EMC1: variants seen among roughly 807,000 people sequenced by gnomAD.
EMC1 encodes ER membrane protein complex subunit 1.
EMC1 carries 103 observed loss-of-function variants against 128.8 expected under a neutral mutation model. The observed-to-expected ratio is 0.80, with a 90% CI of 0.68 to 0.94. EMC1 has a LOEUF of 0.94. EMC1 is among the 40% of genes least tolerant of loss of function. EMC1 has a pLI of 0.00. For missense variants in EMC1, 1,083 were observed against 1,250.6 expected (o/e 0.87, Z 2.02); for synonymous variants, 442 against 490.4 (o/e 0.90, Z 1.30).
chr1:19,221,189 T>G, intron 20 of EMC1: 1 of 195,034 alleles, frequency 5.1e-6, no homozygotes. Flanking sequence ...CAGCAGGAAG[T>G]CTCCTTCCCA....
In EMC1 at chr1:19,246,559, G is replaced by A. The variant is rs543350425; in HGVS notation, c.96-1529C>T. Among the ~76,000 whole-genome samples the A allele has an allele frequency of 1.8e-3, 275 of 151,998 alleles. 1 individual carries two copies. Among genetic ancestry groups the A allele is most frequent in the African/African-American group, 6.2e-3 (258 of 41,450 alleles). ...GCACTTTGGAAGGTCCAGGCATGCC[G>A]AACACTTGAGGTCCGGAGTTTGAGA... On this transcript the variant is annotated intron_variant, in intron 1 of 22. Coordinates refer to ENST00000477853, the MANE Select transcript of EMC1 (RefSeq NM_015047.3).
chr1:19,251,506 C>T lies in EMC1; in HGVS notation c.4G>A (p.Ala2Thr), dbSNP rs2151970372. Residue 2 changes from alanine (A) to threonine (T), a missense_variant, in exon 1 of 23, where the codon GCG (alanine) becomes ACG (threonine). Transcript: ENST00000477853. The part of the protein sequence containing the change: M[A>T]AEWASRFWLW... The stretch of plus-strand genomic sequence containing the variant: ...CAGAAACGAGAAGCCCACTCAGCCG[C>T]CATGATGCGAGCGCATGCACCACCC... The T allele has an allele frequency of 1.2e-6, 2 of 1,614,118 alleles. No homozygotes were observed. Among genetic ancestry groups the T allele is most frequent in the Admixed American group, 1.7e-5 (1 of 60,034 alleles).
intron 12 of EMC1, among the ~76,000 whole-genome samples, chr1:19,235,593 C>T (rs943122362): frequency 1.9e-4 from 29 of 151,978 alleles, no homozygotes; most frequent in African/African-American, 6.8e-4. Flanking sequence ...TCCAGCTACT[C>T]GGGAGGCTGA....
chr1:19,249,473 G>A (rs1408924169), intron 1 of EMC1, among the ~76,000 whole-genome samples: 2 of 152,240 alleles, frequency 1.3e-5, no homozygotes, highest in Non-Finnish European at 2.9e-5. Context: ...TGTAGCCTAG[G>A]AAGAATAGGC....
At position 19,232,762 on chromosome 1, in the gene EMC1, A is replaced by G. The variant is rs376477304; in HGVS notation, c.1644T>C (p.Ile548=). ...MVTASGKLFG[I]ESSSGTILWK... is the part of the protein sequence containing the mutation. The stretch of plus-strand genomic sequence containing the variant: ...ACAGGATGGTGCCAGAGCTGCTCTC[A>G]ATGCCAAAAAGCTGCAAGATAAACA... The change falls in exon 15 of 23, where the codon ATT becomes ATC. Residue 548 remains isoleucine (I), a synonymous_variant. Coordinates refer to ENST00000477853, the MANE Select transcript of EMC1 (RefSeq NM_015047.3). 20 of 1,614,036 alleles carry G rather than the reference A, an allele frequency of 1.2e-5. No homozygotes were observed. The highest frequency in any genetic ancestry group is 1.6e-5 in the Non-Finnish European group (19 of 1,179,994).
intron 10 of EMC1, 27 bp downstream of exon 10, chr1:19,238,768 G>T (rs1324846246): frequency 6.5e-7 from 1 of 1,549,004 alleles, no homozygotes; most frequent in African/African-American, 1.4e-5. Context: ...CTCTAGGTCT[G>T]GCATACTGCC....
In EMC1 at chr1:19,241,265, TCA is replaced by T. The variant is rs561945823; in HGVS notation, c.510-125_510-124del. ...AATTCCCAAATAGGTTTTGTTTGGC[TCA>T]CACAGTTTGGGGGCTTTTGTTGTTG... On this transcript the variant is annotated intron_variant, in intron 5 of 22. Coordinates refer to ENST00000477853, the MANE Select transcript of EMC1 (RefSeq NM_015047.3). 8.4e-4 allele frequency: 967 copies of T among 1,151,286 alleles called. 4 individuals carry two copies. In the African/African-American group the frequency reaches 0.013, roughly 15 times the overall value. The allele number at this position is 1,151,286 out of a possible 1,614,324, so 71.3% of individuals were successfully genotyped here. A position where few individuals can be genotyped will look rare whatever the true frequency, so the allele number is the denominator to read the frequency against.
chr1:19,241,437 A>G (rs1211141030), intron 5 of EMC1, among the ~76,000 whole-genome samples: 2 of 152,220 alleles, frequency 1.3e-5, no homozygotes, highest in Non-Finnish European at 2.9e-5. Context: ...TGCCCCCTCC[A>G]GGCAGGCCAG....
Position 19,231,004 on chromosome 1 carries a change from T to C in EMC1, c.1945-41A>G, listed in dbSNP as rs201887741. ...GAGCCCAAGGAAAGAGTTAGGAAAT[T>C]TCCCCATCAAAGAGAGCCTTAAGAA... On this transcript the variant is annotated intron_variant, in intron 16 of 22. Transcript: ENST00000477853. 1.6e-5 allele frequency: 25 copies of C among 1,610,346 alleles called. No individual in the cohort carries two copies. The East Asian group carries it at 5.4e-4, about 34-fold the overall frequency.
At chr1:19,229,225 CCT>C (rs1330657487) in intron 17 of EMC1, 1 of 152,140 alleles carries the variant, frequency 6.6e-6, no homozygotes, top group East Asian at 1.9e-4. Flanking sequence ...TGCTTGTTCA[CCT>C]CTCTGTATCA....
rs909719740 is a variant in EMC1 at position 19,239,820 on chromosome 1, G to A, written c.952C>T (p.Gln318Ter). The A allele has an allele frequency of 1.2e-6, 2 of 1,613,912 alleles. No homozygotes were observed. The highest frequency in any genetic ancestry group is 1.7e-6 in the Non-Finnish European group (2 of 1,179,898). Residue 318 changes from glutamine (Q) to a stop codon, truncating the protein, a stop_gained and splice_region_variant, in exon 8 of 23, where the codon CAG (glutamine) becomes TAG (stop). Transcript: ENST00000477853. LOFTEE classifies it high-confidence loss of function. ...CAAACCATGTTGCCTGCAGTTACCT[G>A]TGGGAAGTTTTTAAGCAAACTCAGC... Reference protein sequence around the residue: ...GTLSLLKNFPQTALVSFATTG... With the variant: ...GTLSLLKNFP
intron 6 of EMC1, 135 bp from the exon 7 acceptor site, chr1:19,240,581 A>C: frequency 1.1e-6 from 1 of 951,358 alleles, no homozygotes; most frequent in Non-Finnish European, 1.6e-6. Context: ...GTTGTATAGG[A>C]GTTCTTCCTG....
At chr1:19,240,015 C>G in intron 7 of EMC1, 30 bp from the exon 8 acceptor site, 2 of 1,593,388 alleles carry the variant, frequency 1.3e-6, no homozygotes, top group Non-Finnish European at 1.7e-6. Context: ...AGGATTATGG[C>G]TAACAGCTGA....
chr1:19,223,712 C>CAA, intron 18 of EMC1, 143 bp from the exon 19 acceptor site: 1 of 688,812 alleles, frequency 1.5e-6, no homozygotes, highest in East Asian at 2.7e-5. Flanking sequence ...TTTGGAATTT[C>CAA]TCATCACTGC....
In EMC1 at chr1:19,216,285, A is replaced by G. The variant is rs16862606; in HGVS notation, c.*3018T>C. ...TGAAATTACAATTATGAAATTTTCA[A>G]ATTGAAAGATGCCTTACGGAGCACA... is the stretch of plus-strand genomic sequence containing the variant. On this transcript the variant is annotated 3_prime_UTR_variant, in exon 23 of 23. Coordinates refer to ENST00000477853, the MANE Select transcript of EMC1 (RefSeq NM_015047.3). 134 of 152,346 alleles carry G rather than the reference A, an allele frequency of 8.8e-4. 1 individual carries two copies. In the East Asian group the frequency reaches 0.022, roughly 25 times the overall value. 9.4% of individuals were successfully genotyped at this position (152,346 alleles called of 1,614,324 possible). A position where few individuals can be genotyped will look rare whatever the true frequency, so the allele number is the denominator to read the frequency against.
chr1:19,233,357 C>G (rs2093538967), intron 13 of EMC1, among the ~76,000 whole-genome samples: 1 of 152,172 alleles, frequency 6.6e-6, no homozygotes, highest in African/African-American at 2.4e-5. Flanking sequence ...CTCTTAACAA[C>G]TAAACCCAGC....
Position 19,239,277 on chromosome 1 carries a change from G to C in EMC1, c.980C>G (p.Thr327Ser), listed in dbSNP as rs558044673. The C allele has an allele frequency of 2.5e-5, 40 of 1,614,182 alleles. No individual in the cohort carries two copies. In the East Asian group the frequency reaches 5.8e-4, roughly 23 times the overall value. ...PQTALVSFATTGEKTVAAVMA... is the reference protein window; with the variant it reads ...PQTALVSFATSGEKTVAAVMA... ...GACTGCAGCCACCGTCTTCTCCCCA[G>C]TGGTGGCAAAGCTCACTAGGGCAGT... Residue 327 changes from threonine to serine, a missense_variant, in exon 9 of 23, where the codon ACT (threonine) becomes AGT (serine). Physicochemically the swap from Thr to Ser is moderately conservative, Grantham distance 58. Transcript: ENST00000477853.
In EMC1 at chr1:19,227,410, G is replaced by A; in HGVS notation, c.2105C>T (p.Pro702Leu). The A allele has an allele frequency of 6.2e-7, 1 of 1,614,186 alleles. No homozygotes were observed. Among genetic ancestry groups the A allele is most frequent in the Admixed American group, 1.7e-5 (1 of 60,018 alleles). ...TELSWELTIP[P>L]EVQRIVKVKG... is the part of the protein sequence containing the mutation. ...CACCTTGACGATCCGCTGTACTTCT[G>A]GGGGAATGGTCAGCTCCCAACTCAG... The change falls in exon 18 of 23, where the codon CCA becomes CTA. Residue 702 changes from proline to leucine, a missense_variant. By Grantham distance (98) the Pro-to-Leu change is moderately conservative. Around this residue, in one of 3 missense-constraint regions of EMC1, gnomAD observed 527 missense variants for 644.1 expected, o/e 0.82. Coordinates refer to ENST00000477853, the MANE Select transcript of EMC1 (RefSeq NM_015047.3).
chr1:19,240,397 A>G lies in EMC1; in HGVS notation c.686T>C (p.Val229Ala), dbSNP rs1324543210. The G allele has an allele frequency of 6.2e-7, 1 of 1,614,206 alleles. No homozygotes were observed. Among genetic ancestry groups the G allele is most frequent in the African/African-American group, 1.3e-5 (1 of 75,044 alleles). The change falls in exon 7 of 23, where the codon GTG becomes GCG. Residue 229 changes from valine to alanine, a missense_variant. Coordinates refer to ENST00000477853, the MANE Select transcript of EMC1 (RefSeq NM_015047.3). ...ACACACCAGGACAGCCTCATCCACC[A>G]CACCACAGGCTCCAGACAGGTGCTG... is the stretch of plus-strand genomic sequence containing the variant. Reference protein sequence around the residue: ...WLQHLSGACGVVDEAVLVCPD... With the variant: ...WLQHLSGACGAVDEAVLVCPD...
Sources: allele counts gnomAD v4.1 joint callset (sites outside exome capture counted in the v4.1 genomes callset), GRCh38; gene constraint gnomAD v4.1.1; regional missense constraint gnomAD v4.1.1; transcripts MANE v1.5; gene names NCBI Gene and HGNC (gene_info 2026-07-23, HGNC 2026-07-21).